The following UTRN variants were observed in gnomAD, a reference collection of about 807,000 sequenced individuals.
UTRN encodes the protein dystrophin-related protein 1.
A neutral mutation model predicts 463.9 loss-of-function variants in UTRN; 283 were observed. The observed-to-expected ratio is 0.61, with a 90% CI of 0.55 to 0.67. The LOEUF (loss-of-function observed/expected upper bound fraction) is 0.67. UTRN is among the 30% of genes least tolerant of loss of function. UTRN has a pLI of 0.00. For missense variants in UTRN, 3,922 were observed against 4,084.3 expected, an observed-to-expected ratio of 0.96 and a Z score of 1.08; for synonymous variants, 1,442 against 1,431.5, an observed-to-expected ratio of 1.01 and a Z score of -0.17.
At chr6:144,338,336 T>A (rs1017542937) in intron 2 of UTRN, among the ~76,000 whole-genome samples, 1 of 148,904 alleles carries the variant, frequency 6.7e-6, no homozygotes, top group Non-Finnish European at 1.5e-5. Flanking sequence ...ACAAATGGGT[T>A]AAAAAAAAAA....
At chr6:144,574,564 A>G (rs1801251838) in intron 50 of UTRN, among the ~76,000 whole-genome samples, 1 of 151,854 alleles carries the variant, frequency 6.6e-6, no homozygotes, top group Non-Finnish European at 1.5e-5. Flanking sequence ...TTATGTAGAC[A>G]TATGGTGGTT....
rs1211731855 is a variant in UTRN at position 144,554,787 on chromosome 6, A to C, written c.7028A>C (p.Asp2343Ala). Residue 2343 changes from aspartate (D) to alanine (A), a missense_variant, in exon 49 of 75, where the codon GAC (aspartate) becomes GCC (alanine). Asp to Ala is a moderately radical substitution (Grantham distance 126). Around this residue, in one of 3 missense-constraint regions of UTRN, gnomAD observed 1,309 missense variants for 1,452.6 expected, o/e 0.90. Coordinates refer to ENST00000367545, the MANE Select transcript of UTRN (RefSeq NM_007124.3). ...ATTATTGACAGTCTTCAGTGGGATG[A>C]CCATAGGGAGGAGACTGAAGAACTG... Reference protein sequence around the residue: ...DMIIDSLQWDDHREETEELMR... With the variant: ...DMIIDSLQWDAHREETEELMR... 5 of 1,614,056 alleles carry C rather than the reference A, an allele frequency of 3.1e-6. No individual in the cohort carries two copies. The highest frequency in any genetic ancestry group is 2.2e-5 in the East Asian group (1 of 44,858).
At chr6:144,503,284 T>C (rs1324199266) in intron 34 of UTRN, among the ~76,000 whole-genome samples, 2 of 152,244 alleles carry the variant, frequency 1.3e-5, no homozygotes, top group African/African-American at 4.8e-5. Flanking sequence ...TTGGCTTTTG[T>C]TGCCGTTGCT....
intron 2 of UTRN, among the ~76,000 whole-genome samples, chr6:144,373,415 A>G (rs535841416): frequency 6.6e-6 from 1 of 152,368 alleles, no homozygotes; most frequent in Admixed American, 6.5e-5. Context: ...GACGTCTGGC[A>G]CAAAAGGTGA....
At chr6:144,630,962 T>G (rs1776444113) in intron 51 of UTRN, among the ~76,000 whole-genome samples, 1 of 152,128 alleles carries the variant, frequency 6.6e-6, no homozygotes, top group South Asian at 2.1e-4. Context: ...TATTTTGGTT[T>G]TGGTTCTTCT....
chr6:144,560,935 G>A (rs186149579), intron 50 of UTRN, among the ~76,000 whole-genome samples: 134 of 151,696 alleles, frequency 8.8e-4, no homozygotes, highest in Non-Finnish European at 1.1e-3. Flanking sequence ...TATTACTTCT[G>A]AAACGCAACT....
chr6:144,824,614 C>CTCTCT (rs1315487327), intron 66 of UTRN, among the ~76,000 whole-genome samples: 6 of 30,878 alleles, frequency 1.9e-4, no homozygotes, highest in African/African-American at 6.3e-4. Context: ...ATATATATAT[C>CTCTCT]TTTTTTTTTT....
intron 2 of UTRN, among the ~76,000 whole-genome samples, chr6:144,304,502 A>G (rs146247142): frequency 8.5e-5 from 13 of 152,300 alleles, no homozygotes; most frequent in African/African-American, 2.2e-4. Flanking sequence ...AAAAGTAAAA[A>G]CAGCACAGAT....
At chr6:144,405,710 C>T (rs368588387) in intron 3 of UTRN, among the ~76,000 whole-genome samples, 20 of 152,290 alleles carry the variant, frequency 1.3e-4, no homozygotes, top group Middle Eastern at 6.8e-3. Flanking sequence ...TTAAAACAGA[C>T]ATTTGTCTAG....
At chr6:144,529,892 G>T (rs868125620) in intron 41 of UTRN, among the ~76,000 whole-genome samples, 5 of 152,036 alleles carry the variant, frequency 3.3e-5, no homozygotes, top group Admixed American at 3.3e-4. Flanking sequence ...AATTATTTAG[G>T]ATCCTGGTCC....
chr6:144,690,532 A>G (rs9386077), intron 52 of UTRN, among the ~76,000 whole-genome samples: 14,100 of 152,132 alleles, frequency 0.093, 1,213 homozygotes, highest in East Asian at 0.48. Context: ...CCCATGAAGC[A>G]GGGGCACCCA....
intron 25 of UTRN, among the ~76,000 whole-genome samples, chr6:144,476,809 T>C (rs1008992103): frequency 1.1e-4 from 16 of 152,060 alleles, no homozygotes; most frequent in South Asian, 2.1e-4. Context: ...AAAGTCATAG[T>C]GGATAGTTCG....
At chr6:144,629,268 C>A (rs993996665) in intron 51 of UTRN, among the ~76,000 whole-genome samples, 3 of 151,982 alleles carry the variant, frequency 2.0e-5, no homozygotes, top group Non-Finnish European at 2.9e-5. Context: ...AGTAAAAAAT[C>A]TAGTGTACTG....
intron 57 of UTRN, among the ~76,000 whole-genome samples, 193 bp downstream of exon 57, chr6:144,754,991 T>C (rs369384775): frequency 1.3e-5 from 2 of 152,180 alleles, no homozygotes; most frequent in South Asian, 4.1e-4. Flanking sequence ...CTGAGAAGTC[T>C]TCAAGGTGGA....
At chr6:144,483,033 G>C (rs1388552992) in intron 27 of UTRN, among the ~76,000 whole-genome samples, 1 of 152,018 alleles carries the variant, frequency 6.6e-6, no homozygotes, top group Admixed American at 6.6e-5. Context: ...ATTTAAGAAG[G>C]CTTTCAATTT....
At chr6:144,531,942 C>T (rs755888979) in intron 42 of UTRN, among the ~76,000 whole-genome samples, 1 of 151,980 alleles carries the variant, frequency 6.6e-6, no homozygotes, top group Non-Finnish European at 1.5e-5. Context: ...TCGAGACCAT[C>T]CTGGCTAACA....
chr6:144,417,871 A>G (rs1784487020), intron 3 of UTRN, among the ~76,000 whole-genome samples: 1 of 152,122 alleles, frequency 6.6e-6, no homozygotes, highest in Admixed American at 6.5e-5. Flanking sequence ...GACTTGTGAG[A>G]TCTTTCTCTG....
chr6:144,474,716 G>A lies in UTRN; in HGVS notation c.3293G>A (p.Arg1098Lys), dbSNP rs1279761049. The A allele has an allele frequency of 6.2e-7, 1 of 1,613,828 alleles. No individual in the cohort carries two copies. Among genetic ancestry groups the A allele is most frequent in the African/African-American group, 1.3e-5 (1 of 74,910 alleles). ...GGAATAAAAACTTGGGTGCAGACAAGACTAGGTGACTACCAAACTCAACTG... is the reference window on the plus strand; with the variant it reads ...GGAATAAAAACTTGGGTGCAGACAAAACTAGGTGACTACCAAACTCAACTG... The part of the protein sequence containing the change: ...VAGIKTWVQT[R>K]LGDYQTQLEK... Residue 1098 changes from arginine (R) to lysine (K), a missense_variant, in exon 25 of 75, where the codon AGA (arginine) becomes AAA (lysine). Physicochemically the swap from Arg to Lys is conservative, Grantham distance 26. Transcript: ENST00000367545.
intron 51 of UTRN, among the ~76,000 whole-genome samples, chr6:144,657,218 C>G (rs185243338): frequency 6.8e-6 from 1 of 147,088 alleles, no homozygotes; most frequent in African/African-American, 2.5e-5. Context: ...CCATTGCACT[C>G]CAGCCTGGGC....
Sources: gnomAD v4.1 joint callset for allele counts (sites outside exome capture counted in the v4.1 genomes callset) on GRCh38, gnomAD v4.1.1 for gene constraint, gnomAD v4.1.1 regional missense constraint, MANE v1.5 for transcripts, NCBI Gene and HGNC (gene_info 2026-07-23, HGNC 2026-07-21) for gene names.